ZNF195: variants seen among roughly 807,000 people sequenced by gnomAD.
ZNF195 encodes hypoxia-regulated factor-1.
A neutral mutation model predicts 19.5 loss-of-function variants in ZNF195; 11 were observed. That is an observed-to-expected ratio of 0.57 (90% CI 0.36 to 0.94). The LOEUF (loss-of-function observed/expected upper bound fraction) is 0.94, where lower values mean the gene tolerates loss of function less well. Among genes scored for constraint, ZNF195 ranks in the 40% least tolerant of loss-of-function variants. The pLI, the probability that ZNF195 is intolerant of heterozygous loss-of-function variation, is 0.01. For missense variants in ZNF195, 582 were observed against 709.0 expected, an observed-to-expected ratio of 0.82 and a Z score of 2.03; for synonymous variants, 214 against 248.1, an observed-to-expected ratio of 0.86 and a Z score of 1.29.
chr11:3,371,431 TA>T (rs1168545034), intron 2 of ZNF195, 145 bp downstream of exon 2: 15 of 963,222 alleles, frequency 1.6e-5, no homozygotes, highest in Non-Finnish European at 2.1e-5. Context: ...TTTTTTTTTT[TA>T]CATCAACTAT....
intron 1 of ZNF195, among the ~76,000 whole-genome samples, chr11:3,374,257 G>A (rs995617240): frequency 6.6e-6 from 1 of 152,104 alleles, no homozygotes; most frequent in Non-Finnish European, 1.5e-5. Flanking sequence ...ATTTCAAAGG[G>A]GTTCATGGGT....
intron 1 of ZNF195, chr11:3,375,577 T>C (rs1298946162): frequency 2.0e-5 from 3 of 152,182 alleles, no homozygotes; most frequent in African/African-American, 7.2e-5. Flanking sequence ...CCCAAGACGC[T>C]GAATTCAATG....
At chr11:3,377,382 C>T (rs942242261) in intron 1 of ZNF195, among the ~76,000 whole-genome samples, 1 of 152,198 alleles carries the variant, frequency 6.6e-6, no homozygotes, top group African/African-American at 2.4e-5. Flanking sequence ...CACTGTGCCC[C>T]GCTGAGTGTC....
rs945070239 is a variant in ZNF195 at position 3,360,800 on chromosome 11, A to G, written c.374-12T>C. 6.4e-7 allele frequency: 1 copy of G among 1,550,426 alleles called. No individual in the cohort carries two copies. ...AGGTGAGCACAGTGCTAGGAGCCAG[A>G]TAAGAAGAAAAACAGTCTGTTACGT... On this transcript the variant is annotated splice_polypyrimidine_tract_variant and intron_variant, in intron 4 of 5. Transcript: ENST00000399602.
chr11:3,361,740 T>G lies in ZNF195; in HGVS notation c.373+3A>C, dbSNP rs73410516. On this transcript the variant is annotated splice_donor_region_variant and intron_variant, in intron 4 of 5. Coordinates refer to ENST00000399602, the MANE Select transcript of ZNF195 (RefSeq NM_001130520.3). Reference sequence around the variant, plus strand: ...AGCAAGGTACATGCTCTTAGGAGATTACCAGTGAATTTGTCCACAGAAACA... The same window carrying G: ...AGCAAGGTACATGCTCTTAGGAGATGACCAGTGAATTTGTCCACAGAAACA... 5,824 of 1,301,310 alleles carry G rather than the reference T, an allele frequency of 4.5e-3. 261 individuals are homozygous for G. In the African/African-American group the frequency reaches 0.08, roughly 18 times the overall value. The allele number at this position is 1,301,310 out of a possible 1,614,324, so 80.6% of individuals were successfully genotyped here. A position where few individuals can be genotyped will look rare whatever the true frequency, so the allele number is the denominator to read the frequency against.
At position 3,361,784 on chromosome 11, in the gene ZNF195, C is replaced by A; in HGVS notation, c.332G>T (p.Arg111Leu). 1.7e-6 allele frequency: 2 copies of A among 1,203,276 alleles called. No individual in the cohort carries two copies. Among genetic ancestry groups the A allele is most frequent in the Non-Finnish European group, 2.2e-6 (2 of 896,916 alleles). The allele number at this position is 1,203,276 out of a possible 1,614,324, so 74.5% of individuals were successfully genotyped here. A position where few individuals can be genotyped will look rare whatever the true frequency, so the allele number is the denominator to read the frequency against. ...QSAGITGVNH[R>L]AQPGLNVSVD... ...AGAAACATTGAGGCCTGGCTGGGCA[C>A]GGTGGTTCACACCTGTAATCCCAGC... The change falls in exon 4 of 6, where the codon CGT (arginine) becomes CTT (leucine). Residue 111 changes from arginine to leucine, a missense_variant. Coordinates refer to ENST00000399602, the MANE Select transcript of ZNF195 (RefSeq NM_001130520.3).
chr11:3,371,484 A>G (rs1564925028), intron 2 of ZNF195, 93 bp downstream of exon 2: 3 of 1,534,814 alleles, frequency 2.0e-6, no homozygotes, highest in Non-Finnish European at 2.7e-6. Context: ...AAACTCATTC[A>G]TGCAACGCAG....
At chr11:3,364,152 T>C (rs1244820888) in intron 3 of ZNF195, among the ~76,000 whole-genome samples, 3 of 152,184 alleles carry the variant, frequency 2.0e-5, no homozygotes, top group Non-Finnish European at 2.9e-5. Flanking sequence ...CCACCACTAG[T>C]ACAGTTCTAC....
At chr11:3,370,922 C>T (rs1456422155) in intron 3 of ZNF195, 53 bp downstream of exon 3, 1 of 1,593,194 alleles carries the variant, frequency 6.3e-7, no homozygotes, top group Non-Finnish European at 8.6e-7. Context: ...TGGCTTCCTC[C>T]TCGACCTCTG....
chr11:3,370,711 A>G (rs1246788659), intron 3 of ZNF195, among the ~76,000 whole-genome samples: 2 of 152,250 alleles, frequency 1.3e-5, no homozygotes, highest in African/African-American at 4.8e-5. Context: ...GAGACCACAC[A>G]GGCCCTTACT....
At chr11:3,364,876 G>A (rs1848791519) in intron 3 of ZNF195, among the ~76,000 whole-genome samples, 1 of 152,144 alleles carries the variant, frequency 6.6e-6, no homozygotes, top group African/African-American at 2.4e-5. Flanking sequence ...AAATAAAATA[G>A]CTGAATGGAT....
intron 3 of ZNF195, chr11:3,369,511 A>AT: frequency 2.2e-6 from 1 of 453,826 alleles, no homozygotes; most frequent in South Asian, 1.6e-5. Flanking sequence ...TGCTGAATGG[A>AT]TAAAGAAAAT....
chr11:3,359,328 C>A lies in ZNF195; in HGVS notation c.1680G>T (p.Met560Ile). 2 of 1,612,712 alleles carry A rather than the reference C, an allele frequency of 1.2e-6. No homozygotes were observed. The highest frequency in any genetic ancestry group is 1.7e-6 in the Non-Finnish European group (2 of 1,179,636). The change falls in exon 6 of 6, where the codon ATG (methionine) becomes ATT (isoleucine). Residue 560 changes from methionine to isoleucine, a missense_variant. By Grantham distance (10) the Met-to-Ile change is conservative. This residue lies in a region of ZNF195 where 407 missense variants were observed against 530.5 expected (regional missense o/e 0.77). Coordinates refer to ENST00000399602, the MANE Select transcript of ZNF195 (RefSeq NM_001130520.3). The surrounding 1 kb of genome is among the most constrained non-coding windows in gnomAD (Gnocchi z 5.5). ...YKCEECGRVFMWFSDITKHKK... is the reference protein window; with the variant it reads ...YKCEECGRVFIWFSDITKHKK... ...TATGTTTGGTAATGTCTGAGAACCA[C>A]ATGAAGACTCTGCCACATTCTTCAC...
At chr11:3,367,653 T>C (rs934879772) in intron 3 of ZNF195, among the ~76,000 whole-genome samples, 2 of 152,076 alleles carry the variant, frequency 1.3e-5, no homozygotes, top group African/African-American at 2.4e-5. Flanking sequence ...CTTATATTTC[T>C]AAATAAAGAG....
intron 1 of ZNF195, among the ~76,000 whole-genome samples, chr11:3,374,735 T>C (rs1367477125): frequency 6.6e-6 from 1 of 152,212 alleles, no homozygotes; most frequent in African/African-American, 2.4e-5. Flanking sequence ...GTTTTAAAAG[T>C]GTAGTGATAA....
At chr11:3,362,584 G>A (rs1435153627) in intron 3 of ZNF195, 2 of 593,012 alleles carry the variant, frequency 3.4e-6, no homozygotes, top group South Asian at 2.0e-5. Flanking sequence ...AATTTCCATG[G>A]TAACCACAAA....
intron 3 of ZNF195, chr11:3,366,794 C>G (rs565621072): frequency 5.5e-6 from 2 of 360,604 alleles, no homozygotes; most frequent in Admixed American, 6.0e-5. Context: ...CTGGTTCACA[C>G]CAGCTCACAC....
intron 1 of ZNF195, among the ~76,000 whole-genome samples, chr11:3,373,145 C>A (rs752592136): frequency 1.3e-5 from 2 of 152,214 alleles, no homozygotes; most frequent in Non-Finnish European, 2.9e-5. Context: ...AGATAAATGT[C>A]ATCTGGTTTA....
intron 1 of ZNF195, chr11:3,373,531 T>C (rs1287924140): frequency 6.9e-7 from 1 of 1,448,496 alleles, no homozygotes; most frequent in Non-Finnish European, 9.5e-7. Context: ...CACATGACAT[T>C]TCAGGAGCAA....
Sources: allele counts gnomAD v4.1 joint callset (sites outside exome capture counted in the v4.1 genomes callset), GRCh38; gene constraint gnomAD v4.1.1; regional missense constraint gnomAD v4.1.1; non-coding constraint Gnocchi (gnomAD v3.1); transcripts MANE v1.5; gene names NCBI Gene and HGNC (gene_info 2026-07-23, HGNC 2026-07-21).